The following SHANK2 variants were observed in gnomAD, a reference collection of about 807,000 sequenced individuals.
The protein encoded by SHANK2 is SH3 and multiple ankyrin repeat domains 2.
A neutral mutation model predicts 133.7 loss-of-function variants in SHANK2; 43 were observed. The ratio of observed to expected loss-of-function variants is 0.32; its 90% CI spans 0.25 to 0.41. The LOEUF (loss-of-function observed/expected upper bound fraction) is 0.41. Among genes scored for constraint, SHANK2 ranks in the 10% least tolerant of loss-of-function variants. SHANK2 has a pLI of 1.00. For synonymous variants in SHANK2, 1,017 were observed against 952.8 expected, an observed-to-expected ratio of 1.07 and a Z score of -1.24; for missense variants, 1,994 against 2,235.8, an observed-to-expected ratio of 0.89 and a Z score of 2.18.
chr11:71,062,669 C>T (rs1186717017), intron 9 of SHANK2, among the ~76,000 whole-genome samples: 4 of 152,180 alleles, frequency 2.6e-5, no homozygotes, highest in Admixed American at 2.0e-4. Context: ...TCCCCATCTC[C>T]TCTTATTTCT....
At chr11:71,250,940 C>G (rs1330161922) in intron 1 of SHANK2, among the ~76,000 whole-genome samples, 1 of 152,210 alleles carries the variant, frequency 6.6e-6, no homozygotes, top group Non-Finnish European at 1.5e-5. Context: ...AACGTTCGAA[C>G]TTGAGTTTCA....
chr11:71,215,474 G>C (rs1352266491), intron 2 of SHANK2, among the ~76,000 whole-genome samples: 6 of 152,212 alleles, frequency 3.9e-5, no homozygotes, highest in Non-Finnish European at 4.4e-5. Flanking sequence ...GGGAGCTTCA[G>C]ATGGTGCCTC....
In SHANK2 at chr11:71,188,353, C is replaced by A. The variant is rs1953718679; in HGVS notation, c.-13+36344G>T. Among the ~76,000 whole-genome samples, 1 of 152,146 alleles carries A rather than the reference C, an allele frequency of 6.6e-6. No individual in the cohort carries two copies. The highest frequency in any genetic ancestry group is 2.1e-4 in the South Asian group (1 of 4,828). On this transcript the variant is annotated intron_variant, in intron 2 of 25. Coordinates refer to ENST00000601538, the MANE Select transcript of SHANK2 (RefSeq NM_012309.5). This position sits in a 1 kb window ranked among gnomAD's most constrained non-coding sequence, Gnocchi z 4.6. ...GAAGGTCAGCCCCAAACGCCCTCAG[C>A]AGCCCATGCCCAGGCCTCAGTACAC...
chr11:71,178,220 T>A (rs1389984463), intron 2 of SHANK2, among the ~76,000 whole-genome samples: 4 of 152,236 alleles, frequency 2.6e-5, no homozygotes, highest in African/African-American at 7.2e-5. Flanking sequence ...TAGAATGTGG[T>A]CTATTCATAC....
chr11:71,140,689 A>C (rs1952538430), intron 3 of SHANK2, among the ~76,000 whole-genome samples: 1 of 152,192 alleles, frequency 6.6e-6, no homozygotes, highest in South Asian at 2.1e-4. Context: ...GCCAACCCGC[A>C]ATGGCTCACT....
chr11:70,824,124 T>C (rs1555056714), intron 11 of SHANK2, among the ~76,000 whole-genome samples: 1 of 150,414 alleles, frequency 6.6e-6, no homozygotes, highest in African/African-American at 2.4e-5. Flanking sequence ...GCAGAGCTCA[T>C]GGGGGATGGA....
intron 10 of SHANK2, among the ~76,000 whole-genome samples, chr11:70,908,308 C>T (rs934462676): frequency 3.3e-5 from 5 of 152,146 alleles, no homozygotes; most frequent in Admixed American, 6.5e-5. Context: ...ACATGGGCCT[C>T]GCTGTTGGCT....
chr11:70,533,764 C>T (rs1554973655), intron 17 of SHANK2, among the ~76,000 whole-genome samples: 1 of 152,146 alleles, frequency 6.6e-6, no homozygotes, highest in Non-Finnish European at 1.5e-5. Context: ...AGGAAACCCC[C>T]TACCCATTAG....
At chr11:70,910,765 C>A (rs1436549663) in intron 10 of SHANK2, among the ~76,000 whole-genome samples, 1 of 149,038 alleles carries the variant, frequency 6.7e-6, no homozygotes, top group South Asian at 2.1e-4. Flanking sequence ...TGAGATCGCA[C>A]AACTGCACTC....
intron 11 of SHANK2, among the ~76,000 whole-genome samples, chr11:70,877,952 G>C (rs1385796501): frequency 1.3e-5 from 2 of 152,214 alleles, no homozygotes; most frequent in African/African-American, 2.4e-5. Flanking sequence ...GGTTGGGTGT[G>C]CTGGGGAAAA....
intron 4 of SHANK2, among the ~76,000 whole-genome samples, chr11:71,115,479 C>T (rs1223020106): frequency 6.6e-6 from 1 of 152,070 alleles, no homozygotes; most frequent in Non-Finnish European, 1.5e-5. Context: ...AAAAACAAAA[C>T]AAAACAAAAA....
intron 14 of SHANK2, among the ~76,000 whole-genome samples, chr11:70,711,724 A>G (rs1290398221): frequency 2.0e-5 from 3 of 152,264 alleles, no homozygotes; most frequent in Non-Finnish European, 4.4e-5. Flanking sequence ...TGAGAGGCAC[A>G]GAGCTTTGAT....
At chr11:70,874,259 A>G (rs1949519040) in intron 11 of SHANK2, among the ~76,000 whole-genome samples, 1 of 151,836 alleles carries the variant, frequency 6.6e-6, no homozygotes, top group South Asian at 2.1e-4. Flanking sequence ...CCTCTAATCT[A>G]ATCTAATCCA....
rs779814221 is a variant in SHANK2, at chr11:70,500,363, C to T, written c.2308+207G>A. 2.0e-5 allele frequency among the ~76,000 whole-genome samples: 3 copies of T among 151,988 alleles called. No homozygotes were observed. The highest frequency in any genetic ancestry group is 2.9e-5 in the Non-Finnish European group (2 of 68,020). On this transcript the variant is annotated intron_variant, in intron 21 of 25. Coordinates refer to ENST00000601538, the MANE Select transcript of SHANK2 (RefSeq NM_012309.5). The surrounding 1 kb of genome is among the most constrained non-coding windows in gnomAD (Gnocchi z 4.5). ...CAGGTCAGGGAAGAAACACAGGACACGCTGGGGAATCACAGACAGAAGCCA... is the reference window on the plus strand; with the variant it reads ...CAGGTCAGGGAAGAAACACAGGACATGCTGGGGAATCACAGACAGAAGCCA...
intron 13 of SHANK2, among the ~76,000 whole-genome samples, chr11:70,803,629 T>G (rs1948100688): frequency 6.6e-6 from 1 of 151,922 alleles, no homozygotes; most frequent in Non-Finnish European, 1.5e-5. Flanking sequence ...TTTAACAAAC[T>G]CCTCTCATGT....
rs945178692 is a variant in SHANK2 at position 71,083,105 on chromosome 11, C to T, written c.913-7830G>A. ...GATTACAGGAATGTGCCACCATGCC[C>T]TAATTTTTGTATTTTTGGTAGAGAC... On this transcript the variant is annotated intron_variant, in intron 8 of 25. Coordinates refer to ENST00000601538, the MANE Select transcript of SHANK2 (RefSeq NM_012309.5). 5.8e-4 allele frequency among the ~76,000 whole-genome samples: 89 copies of T among 152,184 alleles called. No individual in the cohort carries two copies. In the Middle Eastern group the frequency reaches 0.014, roughly 23 times the overall value.
rs1954614091 is a variant in SHANK2 at position 71,224,805 on chromosome 11, A to G, written c.-112-9T>C. 1 of 152,158 alleles carries G rather than the reference A, an allele frequency of 6.6e-6. No homozygotes were observed. Among genetic ancestry groups the G allele is most frequent in the Non-Finnish European group, 1.5e-5 (1 of 68,050 alleles). The allele number at this position is 152,158 out of a possible 1,614,324, so 9.4% of individuals were successfully genotyped here. A position where few individuals can be genotyped will look rare whatever the true frequency, so the allele number is the denominator to read the frequency against. ...TGGAGAGATTTCCAGACCTGTGGAGAGATAATGAGACCGGGGCATGGTCAG... is the reference window on the plus strand; with the variant it reads ...TGGAGAGATTTCCAGACCTGTGGAGGGATAATGAGACCGGGGCATGGTCAG... On this transcript the variant is annotated splice_polypyrimidine_tract_variant and intron_variant, in intron 1 of 25. Transcript: ENST00000601538.
At chr11:70,845,536 G>C (rs559078266) in intron 11 of SHANK2, among the ~76,000 whole-genome samples, 16 of 152,216 alleles carry the variant, frequency 1.1e-4, no homozygotes, top group Non-Finnish European at 1.9e-4. Context: ...TAGGTGCCGA[G>C]GATAGAGAGG....
intron 2 of SHANK2, among the ~76,000 whole-genome samples, chr11:71,155,115 G>A (rs1429196568): frequency 1.7e-5 from 2 of 118,174 alleles, no homozygotes; most frequent in African/African-American, 3.3e-5. Flanking sequence ...CGCTCCCGGA[G>A]GAGGGGTGGA....
Sources: gnomAD v4.1 joint callset for allele counts (sites outside exome capture counted in the v4.1 genomes callset) on GRCh38, gnomAD v4.1.1 for gene constraint, Gnocchi (gnomAD v3.1) non-coding constraint, MANE v1.5 for transcripts, NCBI Gene and HGNC (gene_info 2026-07-23, HGNC 2026-07-21) for gene names.